The following BEND6 variants were observed in gnomAD, a reference collection of about 807,000 sequenced individuals.
BEND6 encodes the protein BEN domain-containing protein 6.
A neutral mutation model predicts 31.8 loss-of-function variants in BEND6; 24 were observed. The observed-to-expected ratio is 0.75, with a 90% CI of 0.55 to 1.06. The LOEUF is 1.06. Ranked by LOEUF, BEND6 falls within the 50% of genes least tolerant of loss-of-function variation. The pLI, the probability that BEND6 is intolerant of heterozygous loss-of-function variation, is 0.00. For missense variants in BEND6, 294 were observed against 327.4 expected, an observed-to-expected ratio of 0.90 and a Z score of 0.79; for synonymous variants, 109 against 114.6, an observed-to-expected ratio of 0.95 and a Z score of 0.31.
intron 1 of BEND6, among the ~76,000 whole-genome samples, chr6:56,978,057 G>A (rs757081205): frequency 4.0e-5 from 6 of 151,694 alleles, no homozygotes; most frequent in Admixed American, 6.6e-5. Flanking sequence ...TTGAGGCCAG[G>A]AGTTCAAGAC....
At chr6:57,022,154 T>A (rs542260575) in intron 6 of BEND6, among the ~76,000 whole-genome samples, 142 of 146,832 alleles carry the variant, frequency 9.7e-4, no homozygotes, top group Non-Finnish European at 7.6e-4. Context: ...ATTTTTCTTT[T>A]TTTCTTTTTC....
chr6:56,964,829 G>A lies in BEND6; in HGVS notation c.-101+9369G>A, dbSNP rs17831672. ...GTCTTTGACACTTCTGAACCTCGACGTTAGGTTGCATACTTTGATCTCACT... is the reference window on the plus strand; with the variant it reads ...GTCTTTGACACTTCTGAACCTCGACATTAGGTTGCATACTTTGATCTCACT... On this transcript the variant is annotated intron_variant, in intron 1 of 6. Coordinates refer to ENST00000370746, the MANE Select transcript of BEND6 (RefSeq NM_152731.3). Among the ~76,000 whole-genome samples, 70 of 152,226 alleles carry A rather than the reference G, an allele frequency of 4.6e-4. 1 individual carries two copies. In the East Asian group the frequency reaches 0.011, roughly 24 times the overall value.
intron 1 of BEND6, among the ~76,000 whole-genome samples, chr6:56,961,540 T>A (rs1298726448): frequency 6.6e-6 from 1 of 152,152 alleles, no homozygotes; most frequent in Non-Finnish European, 1.5e-5. Flanking sequence ...GATAAATTGA[T>A]TCCTAAGCTG....
At chr6:56,979,563 T>C (rs1488837921) in intron 1 of BEND6, among the ~76,000 whole-genome samples, 1 of 152,162 alleles carries the variant, frequency 6.6e-6, no homozygotes, top group Non-Finnish European at 1.5e-5. Flanking sequence ...CAGATGAACA[T>C]TTGCAATTGA....
chr6:56,963,752 A>G (rs1277097002), intron 1 of BEND6, among the ~76,000 whole-genome samples: 1 of 150,892 alleles, frequency 6.6e-6, no homozygotes, highest in Admixed American at 6.6e-5. Flanking sequence ...TATGGGGGTA[A>G]TCTGGTTCAG....
At chr6:57,021,388 T>TA (rs1827737308) in intron 6 of BEND6, among the ~76,000 whole-genome samples, 1 of 152,202 alleles carries the variant, frequency 6.6e-6, no homozygotes, top group African/African-American at 2.4e-5. Context: ...TTGAAAAACT[T>TA]ACTTTTCTAG....
intron 1 of BEND6, among the ~76,000 whole-genome samples, chr6:56,978,781 A>G (rs189312495): frequency 1.2e-3 from 185 of 152,284 alleles, no homozygotes; most frequent in African/African-American, 4.3e-3. Flanking sequence ...ATTTTTGTGA[A>G]TGAGACTGTT....
At chr6:57,004,752 G>A (rs1827091401) in intron 3 of BEND6, 1 of 1,166,692 alleles carries the variant, frequency 8.6e-7, no homozygotes, top group East Asian at 2.3e-5. Flanking sequence ...ACTTCACTGA[G>A]ACACATCACC....
At chr6:56,989,118 A>G (rs1826396587) in intron 2 of BEND6, among the ~76,000 whole-genome samples, 2 of 150,472 alleles carry the variant, frequency 1.3e-5, no homozygotes, top group Non-Finnish European at 3.0e-5. Flanking sequence ...ATACATTTCT[A>G]TATAAATATA....
intron 6 of BEND6, among the ~76,000 whole-genome samples, chr6:57,023,659 G>T (rs1827819214): frequency 6.6e-6 from 1 of 152,126 alleles, no homozygotes; most frequent in South Asian, 2.1e-4. Flanking sequence ...TCTTGTCCAG[G>T]CAGTGGTGTG....
intron 2 of BEND6, among the ~76,000 whole-genome samples, chr6:56,988,039 CAG>C (rs1299448053): frequency 7.9e-5 from 11 of 139,946 alleles, no homozygotes; most frequent in Non-Finnish European, 1.4e-4. Flanking sequence ...TTTTTTGAGA[CAG>C]AGTCTTGCTC....
At chr6:56,980,903 G>C (rs889986442) in intron 1 of BEND6, among the ~76,000 whole-genome samples, 2 of 152,092 alleles carry the variant, frequency 1.3e-5, no homozygotes, top group African/African-American at 4.8e-5. Context: ...AGGATGCTAA[G>C]ACTTAACATG....
chr6:57,008,383 G>C, intron 3 of BEND6: 1 of 615,384 alleles, frequency 1.6e-6, no homozygotes, highest in Non-Finnish European at 2.9e-6. Context: ...TCTGGGCACT[G>C]ATTTCCCTAG....
At chr6:56,987,229 C>T (rs551672980) in intron 2 of BEND6, among the ~76,000 whole-genome samples, 2 of 152,216 alleles carry the variant, frequency 1.3e-5, no homozygotes, top group South Asian at 4.2e-4. Context: ...ATCTGCCCAC[C>T]TCCGCCTCCC....
intron 4 of BEND6, 120 bp downstream of exon 4, chr6:57,015,473 T>C (rs959179363): frequency 1.7e-4 from 177 of 1,013,202 alleles, no homozygotes; most frequent in Non-Finnish European, 2.4e-4. Flanking sequence ...TTTTATTCAA[T>C]AGGAATATTA....
intron 1 of BEND6, among the ~76,000 whole-genome samples, chr6:56,955,880 C>T (rs1488436083): frequency 6.6e-6 from 1 of 152,178 alleles, no homozygotes; most frequent in Non-Finnish European, 1.5e-5. Flanking sequence ...CCCCTTTGTC[C>T]CCTCCCCACG....
intron 3 of BEND6, chr6:57,008,074 G>T: frequency 1.5e-6 from 1 of 674,624 alleles, no homozygotes; most frequent in East Asian, 2.7e-5. Flanking sequence ...CAACTAGAAG[G>T]TCAGAGACAA....
intron 2 of BEND6, among the ~76,000 whole-genome samples, chr6:56,983,159 TG>T (rs1826129071): frequency 6.6e-6 from 1 of 152,234 alleles, no homozygotes; most frequent in Admixed American, 6.5e-5. Flanking sequence ...CAATCAGCAC[TG>T]TTTTTTTAAA....
chr6:56,987,001 AC>A, intron 2 of BEND6, among the ~76,000 whole-genome samples: 1 of 134,192 alleles, frequency 7.5e-6, no homozygotes, highest in African/African-American at 2.8e-5. Flanking sequence ...TTTGAGACAG[AC>A]TCTTGCTGTA....
Sources: allele counts gnomAD v4.1 joint callset (sites outside exome capture counted in the v4.1 genomes callset), GRCh38; gene constraint gnomAD v4.1.1; transcripts MANE v1.5; gene names NCBI Gene and HGNC (gene_info 2026-07-23, HGNC 2026-07-21).